The following ZBTB9 variants were observed in gnomAD, a reference collection of about 807,000 sequenced individuals.
ZBTB9 encodes the protein zinc finger and BTB domain containing 9, also known as zinc finger and BTB domain-containing protein 9.
A neutral mutation model predicts 26.3 loss-of-function variants in ZBTB9; 17 were observed. The observed-to-expected ratio is 0.65, with a 90% CI of 0.44 to 0.97. The LOEUF (loss-of-function observed/expected upper bound fraction) is 0.97, where lower values mean the gene tolerates loss of function less well. Among genes scored for constraint, ZBTB9 ranks in the 50% least tolerant of loss-of-function variants. The pLI, the probability that ZBTB9 is intolerant of heterozygous loss-of-function variation, is 0.00. For missense variants in ZBTB9, 510 were observed against 594.2 expected (o/e 0.86, Z 1.47); for synonymous variants, 226 against 234.3 (o/e 0.96, Z 0.32).
At chr6:33,454,373 G>T (rs2772385), upstream of ZBTB9, 7,651 of 152,366 alleles carry the variant, frequency 0.05, 444 homozygotes, top group African/African-American at 0.14. Flanking sequence ...CCTGCCTCTC[G>T]GTCCTCTGCA....
In ZBTB9 at chr6:33,456,986, T is replaced by C. The variant is rs189643034; in HGVS notation, c.*464T>C. ...TCAGAGGCTAAGCTCTAAGCTTTTT[T>C]CTCTCATTGCTGGAATGATTTAAGC... On this transcript the variant is annotated 3_prime_UTR_variant, in exon 2 of 2. Coordinates refer to ENST00000395064, the MANE Select transcript of ZBTB9 (RefSeq NM_152735.4). This position sits in a 1 kb window ranked among gnomAD's most constrained non-coding sequence, Gnocchi z 5.1. 286 of 173,464 alleles carry C rather than the reference T, an allele frequency of 1.6e-3. 1 individual carries two copies. Among genetic ancestry groups the C allele is most frequent in the African/African-American group, 5.8e-3 (242 of 41,812 alleles). The allele number at this position is 173,464 out of a possible 1,614,324, so 10.7% of individuals were successfully genotyped here.
At position 33,456,197 on chromosome 6, in the gene ZBTB9, C is replaced by A; in HGVS notation, c.1097C>A (p.Ala366Asp). The change falls in exon 2 of 2, where the codon GCC becomes GAC. Residue 366 changes from alanine to aspartate, a missense_variant. Ala to Asp is a moderately radical substitution (Grantham distance 126, BLOSUM62 -2). Coordinates refer to ENST00000395064, the MANE Select transcript of ZBTB9 (RefSeq NM_152735.4). This position sits in a 1 kb window ranked among gnomAD's most constrained non-coding sequence, Gnocchi z 5.1. ...GGAGGACCTGGGGGAGCAGGCCAGG[C>A]CGTGCATGGGCCTGTGAAGCTAGGG... ...GGGGPGGAGQ[A>D]VHGPVKLGGT... is the part of the protein sequence containing the mutation. 1.2e-6 allele frequency: 2 copies of A among 1,609,808 alleles called. No homozygotes were observed. The highest frequency in any genetic ancestry group is 1.7e-6 in the Non-Finnish European group (2 of 1,178,108).
In ZBTB9 at chr6:33,456,642, C is replaced by T. The variant is rs1203822492; in HGVS notation, c.*120C>T. ...TGTAATCATGCCAAGAGAATAGATA[C>T]ATTATGGACCTCTTGTTCTTAGATA... On this transcript the variant is annotated 3_prime_UTR_variant, in exon 2 of 2. Transcript: ENST00000395064. The surrounding 1 kb of genome is among the most constrained non-coding windows in gnomAD (Gnocchi z 5.1). The T allele has an allele frequency of 1.4e-6, 2 of 1,459,564 alleles. No individual in the cohort carries two copies. Among genetic ancestry groups the T allele is most frequent in the East Asian group, 2.4e-5 (1 of 42,396 alleles). 90.4% of individuals were successfully genotyped at this position (1,459,564 alleles called of 1,614,324 possible). A position where few individuals can be genotyped will look rare whatever the true frequency, so the allele number is the denominator to read the frequency against.
At position 33,455,056 on chromosome 6, in the gene ZBTB9, C is replaced by CA; in HGVS notation, c.-43dup. Reference sequence around the variant, plus strand: ...CTTCATCCCGCGTGGAGTCTACCCCCAAGCCCTTCTCCTCTTCCCAATTCT... The same window carrying CA: ...CTTCATCCCGCGTGGAGTCTACCCCCAAAGCCCTTCTCCTCTTCCCAATTCT... On this transcript the variant is annotated 5_prime_UTR_variant, in exon 2 of 2. Transcript: ENST00000395064. 1 of 1,545,504 alleles carries CA rather than the reference C, an allele frequency of 6.5e-7. No homozygotes were observed. Among genetic ancestry groups the CA allele is most frequent in the Non-Finnish European group, 8.7e-7 (1 of 1,145,336 alleles).
Position 33,455,789 on chromosome 6 carries a change from C to T in ZBTB9, c.689C>T (p.Thr230Ile), listed in dbSNP as rs1345785644. 1 of 1,611,772 alleles carries T rather than the reference C, an allele frequency of 6.2e-7. No individual in the cohort carries two copies. The highest frequency in any genetic ancestry group is 2.2e-5 in the East Asian group (1 of 44,896). Residue 230 changes from threonine (T) to isoleucine (I), a missense_variant, in exon 2 of 2, where the codon ACA (threonine) becomes ATA (isoleucine). Around this residue, in one of 2 missense-constraint regions of ZBTB9, gnomAD observed 439 missense variants for 460.4 expected, o/e 0.95. Coordinates refer to ENST00000395064, the MANE Select transcript of ZBTB9 (RefSeq NM_152735.4). ...DDDDEDQGSA[T>I]LSQTPQPQRV... The stretch of plus-strand genomic sequence containing the variant: ...GATGATGAGGACCAGGGGTCAGCCA[C>T]ACTCTCTCAGACTCCTCAGCCCCAG...
Position 33,456,659 on chromosome 6 carries a change from T to C in ZBTB9, c.*137T>C. The C allele has an allele frequency of 7.1e-7, 1 of 1,403,614 alleles. No homozygotes were observed. Among genetic ancestry groups the C allele is most frequent in the Non-Finnish European group, 9.4e-7 (1 of 1,061,186 alleles). 86.9% of individuals were successfully genotyped at this position (1,403,614 alleles called of 1,614,324 possible). A position where few individuals can be genotyped will look rare whatever the true frequency, so the allele number is the denominator to read the frequency against. On this transcript the variant is annotated 3_prime_UTR_variant, in exon 2 of 2. Transcript: ENST00000395064. This position sits in a 1 kb window ranked among gnomAD's most constrained non-coding sequence, Gnocchi z 5.1. Reference sequence around the variant, plus strand: ...AATAGATACATTATGGACCTCTTGTTCTTAGATATGGGCCTCTCAGCCTGG... The same window carrying C: ...AATAGATACATTATGGACCTCTTGTCCTTAGATATGGGCCTCTCAGCCTGG...
In ZBTB9 at chr6:33,454,710, G is replaced by T; in HGVS notation, c.-137G>T. ...GGTGTCCGGGTGACCGCGGCTTCCCGGGAGCAGACCTCTGTGGGCACTGTG... is the reference window on the plus strand; with the variant it reads ...GGTGTCCGGGTGACCGCGGCTTCCCTGGAGCAGACCTCTGTGGGCACTGTG... On this transcript the variant is annotated 5_prime_UTR_variant, in exon 1 of 2. Coordinates refer to ENST00000395064, the MANE Select transcript of ZBTB9 (RefSeq NM_152735.4). 3.9e-6 allele frequency: 1 copy of T among 256,498 alleles called. No homozygotes were observed. 15.9% of individuals were successfully genotyped at this position (256,498 alleles called of 1,614,324 possible). A position where few individuals can be genotyped will look rare whatever the true frequency, so the allele number is the denominator to read the frequency against.
At position 33,455,113 on chromosome 6, in the gene ZBTB9, A is replaced by G; in HGVS notation, c.13A>G (p.Thr5Ala). Residue 5 changes from threonine to alanine, a missense_variant, in exon 2 of 2, where the codon ACA becomes GCA. Physicochemically the swap from Thr to Ala is moderately conservative, Grantham distance 58 (BLOSUM62 0). Coordinates refer to ENST00000395064, the MANE Select transcript of ZBTB9 (RefSeq NM_152735.4). ...CTTCGAGGAGGCCATGGAAACCCCAACACCTTTGCCGCCTGTACCCGCCTC... is the reference window on the plus strand; with the variant it reads ...CTTCGAGGAGGCCATGGAAACCCCAGCACCTTTGCCGCCTGTACCCGCCTC... METP[T>A]PLPPVPASPT... 6.2e-7 allele frequency: 1 copy of G among 1,603,168 alleles called. No homozygotes were observed.
chr6:33,455,251 T>TC lies in ZBTB9; in HGVS notation c.154dup (p.Leu52ProfsTer9). The TC allele has an allele frequency of 6.2e-7, 1 of 1,614,156 alleles. No individual in the cohort carries two copies. The highest frequency in any genetic ancestry group is 8.5e-7 in the Non-Finnish European group (1 of 1,180,024). ...GCTAGAGGGAAAGTTCTGTGATGTG[T>TC]CCCTCCTGGTGCAGGGCCGGGAACT... On this transcript the variant is annotated frameshift_variant, in exon 2 of 2. Transcript: ENST00000395064. LOFTEE classifies it high-confidence loss of function.
chr6:33,455,034 C>T lies in ZBTB9; in HGVS notation c.-67C>T. On this transcript the variant is annotated 5_prime_UTR_variant, in exon 2 of 2. Transcript: ENST00000395064. ...CTCCATCTTTTTCCTCTGCAGCCTT[C>T]ATCCCGCGTGGAGTCTACCCCCAAG... is the stretch of plus-strand genomic sequence containing the variant. The T allele has an allele frequency of 6.6e-7, 1 of 1,520,490 alleles. No homozygotes were observed. The highest frequency in any genetic ancestry group is 8.8e-7 in the Non-Finnish European group (1 of 1,135,150). The allele number at this position is 1,520,490 out of a possible 1,614,324, so 94.2% of individuals were successfully genotyped here. A position where few individuals can be genotyped will look rare whatever the true frequency, so the allele number is the denominator to read the frequency against.
Position 33,457,148 on chromosome 6 carries a change from A to C in ZBTB9, c.*626A>C. On this transcript the variant is annotated 3_prime_UTR_variant, in exon 2 of 2. Transcript: ENST00000395064. ...AGCACTTTAACAAGTTGAGCATTCCATGTTTCATTCTTAGAACCTTCTTTA... is the reference window on the plus strand; with the variant it reads ...AGCACTTTAACAAGTTGAGCATTCCCTGTTTCATTCTTAGAACCTTCTTTA... 6.0e-6 allele frequency: 1 copy of C among 167,228 alleles called. No homozygotes were observed. 10.4% of individuals were successfully genotyped at this position (167,228 alleles called of 1,614,324 possible).
upstream of ZBTB9, chr6:33,453,477 G>T (rs1488568323): frequency 1.4e-4 from 5 of 36,352 alleles, no homozygotes; most frequent in African/African-American, 5.3e-4. Context: ...CCGCCCCTCT[G>T]CTTCCCTCCC....
In ZBTB9 at chr6:33,455,069, T is replaced by C. The variant is rs758402186; in HGVS notation, c.-32T>C. 7 of 1,556,766 alleles carry C rather than the reference T, an allele frequency of 4.5e-6. No homozygotes were observed. The highest frequency in any genetic ancestry group is 6.1e-6 in the Non-Finnish European group (7 of 1,150,672). On this transcript the variant is annotated 5_prime_UTR_variant, in exon 2 of 2. Coordinates refer to ENST00000395064, the MANE Select transcript of ZBTB9 (RefSeq NM_152735.4). Reference sequence around the variant, plus strand: ...GGAGTCTACCCCCAAGCCCTTCTCCTCTTCCCAATTCTTGTCACCTTCGAG... The same window carrying C: ...GGAGTCTACCCCCAAGCCCTTCTCCCCTTCCCAATTCTTGTCACCTTCGAG...
In ZBTB9 at chr6:33,455,615, G is replaced by A. The variant is rs749893592; in HGVS notation, c.515G>A (p.Arg172His). ...TTSSTGGWCIRSSPFQTPVQS... is the reference protein window; with the variant it reads ...TTSSTGGWCIHSSPFQTPVQS... ...TCCTCTACAGGAGGCTGGTGCATTC[G>A]CTCTTCGCCTTTCCAGACCCCAGTA... The change falls in exon 2 of 2, where the codon CGC becomes CAC. Residue 172 changes from arginine to histidine, a missense_variant. Around this residue, in one of 2 missense-constraint regions of ZBTB9, gnomAD observed 439 missense variants for 460.4 expected, o/e 0.95. Coordinates refer to ENST00000395064, the MANE Select transcript of ZBTB9 (RefSeq NM_152735.4). The A allele has an allele frequency of 9.3e-6, 15 of 1,613,780 alleles. No individual in the cohort carries two copies. The highest frequency in any genetic ancestry group is 1.1e-5 in the Non-Finnish European group (13 of 1,179,874).
Position 33,455,841 on chromosome 6 carries a change from T to G in ZBTB9, c.741T>G (p.Pro247=), listed in dbSNP as rs572759945. 6.2e-6 allele frequency: 10 copies of G among 1,612,054 alleles called. No individual in the cohort carries two copies. The highest frequency in any genetic ancestry group is 8.5e-6 in the Non-Finnish European group (10 of 1,178,948). Residue 247 remains proline, a synonymous_variant, in exon 2 of 2, where the codon CCT becomes CCG. Coordinates refer to ENST00000395064, the MANE Select transcript of ZBTB9 (RefSeq NM_152735.4). ...GAGTATCAGGGGTTTTTCCCCGTCC[T>G]CATGGACCCCACCCACTGCCCATGA... The part of the protein sequence containing the change: ...PQRVSGVFPR[P]HGPHPLPMTA...
At position 33,456,926 on chromosome 6, in the gene ZBTB9, A is replaced by G. The variant is rs1761496721; in HGVS notation, c.*404A>G. The G allele has an allele frequency of 5.1e-6, 1 of 196,032 alleles. No individual in the cohort carries two copies. The highest frequency in any genetic ancestry group is 1.8e-4 in the South Asian group (1 of 5,682). The allele number at this position is 196,032 out of a possible 1,614,324, so 12.1% of individuals were successfully genotyped here. ...TGAGGAATTGAAGGAGTTGGTCTCCACCTAGAGATACATTTGATTTACAGC... is the reference window on the plus strand; with the variant it reads ...TGAGGAATTGAAGGAGTTGGTCTCCGCCTAGAGATACATTTGATTTACAGC... On this transcript the variant is annotated 3_prime_UTR_variant, in exon 2 of 2. Transcript: ENST00000395064. This position sits in a 1 kb window ranked among gnomAD's most constrained non-coding sequence, Gnocchi z 5.1.
At chr6:33,453,577 T>C (rs1761401872), upstream of ZBTB9, 2 of 151,622 alleles carry the variant, frequency 1.3e-5, no homozygotes, top group African/African-American at 4.8e-5. Context: ...CCCAGCCTTA[T>C]CTATCCCCCC....
rs765029814 is a variant in ZBTB9, at chr6:33,455,854, C to T, written c.754C>T (p.Pro252Ser). 6.2e-7 allele frequency: 1 copy of T among 1,612,888 alleles called. No homozygotes were observed. Among genetic ancestry groups the T allele is most frequent in the Non-Finnish European group, 8.5e-7 (1 of 1,179,374 alleles). ...TTTTCCCCGTCCTCATGGACCCCACCCACTGCCCATGACTGCTACTCCCCG... is the reference window on the plus strand; with the variant it reads ...TTTTCCCCGTCCTCATGGACCCCACTCACTGCCCATGACTGCTACTCCCCG... ...GVFPRPHGPH[P>S]LPMTATPRKL... The change falls in exon 2 of 2, where the codon CCA becomes TCA. Residue 252 changes from proline (P) to serine (S), a missense_variant. Transcript: ENST00000395064.
chr6:33,455,657 C>T lies in ZBTB9; in HGVS notation c.557C>T (p.Thr186Ile). The T allele has an allele frequency of 6.2e-7, 1 of 1,614,218 alleles. No homozygotes were observed. Among genetic ancestry groups the T allele is most frequent in the Non-Finnish European group, 8.5e-7 (1 of 1,180,036 alleles). ...FQTPVQSSAS[T>I]ESPASTESPV... Reference sequence around the variant, plus strand: ...ACCCCAGTACAGTCCTCTGCTTCTACTGAAAGCCCTGCTTCCACTGAGAGC... The same window carrying T: ...ACCCCAGTACAGTCCTCTGCTTCTATTGAAAGCCCTGCTTCCACTGAGAGC... The change falls in exon 2 of 2, where the codon ACT becomes ATT. Residue 186 changes from threonine to isoleucine, a missense_variant. Around this residue, in one of 2 missense-constraint regions of ZBTB9, gnomAD observed 439 missense variants for 460.4 expected, o/e 0.95. Coordinates refer to ENST00000395064, the MANE Select transcript of ZBTB9 (RefSeq NM_152735.4).
Sources: allele counts gnomAD v4.1 joint callset, GRCh38; gene constraint gnomAD v4.1.1; regional missense constraint gnomAD v4.1.1; non-coding constraint Gnocchi (gnomAD v3.1); transcripts MANE v1.5; gene names NCBI Gene and HGNC (gene_info 2026-07-23, HGNC 2026-07-21).